GALNTL6: variants seen among roughly 807,000 people sequenced by gnomAD.
The protein encoded by GALNTL6 is polypeptide N-acetylgalactosaminyltransferase-like 6.
In GALNTL6, 46 loss-of-function variants were observed where a neutral mutation model predicts 73.7. The ratio of observed to expected loss-of-function variants is 0.62; its 90% CI spans 0.49 to 0.80. The LOEUF is 0.80. Among genes scored for constraint, GALNTL6 ranks in the 30% least tolerant of loss-of-function variants. The pLI is 0.00. For synonymous variants in GALNTL6, 259 were observed against 263.7 expected (o/e 0.98, Z 0.17); for missense variants, 604 against 755.0 (o/e 0.80, Z 2.34).
chr4:172,294,788 C>T (rs1464355315), intron 3 of GALNTL6, among the ~76,000 whole-genome samples: 1 of 152,098 alleles, frequency 6.6e-6, no homozygotes, highest in East Asian at 1.9e-4. Flanking sequence ...ATTTCTCCTG[C>T]ATTGTCTCAG....
chr4:172,357,594 A>C (rs888940764), intron 5 of GALNTL6, among the ~76,000 whole-genome samples: 9 of 151,126 alleles, frequency 6.0e-5, no homozygotes, highest in African/African-American at 2.2e-4. Flanking sequence ...GTAGATTGGG[A>C]AGACTATATG....
At chr4:172,311,069 G>T (rs1012236202) in intron 3 of GALNTL6, among the ~76,000 whole-genome samples, 1 of 152,044 alleles carries the variant, frequency 6.6e-6, no homozygotes, top group African/African-American at 2.4e-5. Flanking sequence ...AATTTACAGT[G>T]TGTCTCAGGA....
chr4:172,972,474 T>C (rs1405584333), intron 10 of GALNTL6, among the ~76,000 whole-genome samples: 2 of 152,208 alleles, frequency 1.3e-5, no homozygotes, highest in African/African-American at 4.8e-5. Flanking sequence ...AATTAGAAAT[T>C]TCAACATCAG....
rs140972500 is a variant in GALNTL6 at position 172,026,453 on chromosome 4, T to C, written c.139-203203T>C. Among the ~76,000 whole-genome samples the C allele has an allele frequency of 2.0e-3, 298 of 152,270 alleles. 6 individuals carry two copies. In the East Asian group the frequency reaches 0.053, roughly 27 times the overall value. On this transcript the variant is annotated intron_variant, in intron 2 of 12. Coordinates refer to ENST00000506823, the MANE Select transcript of GALNTL6 (RefSeq NM_001034845.3). ...GTTCAAATTATCTGTATCTGCACTATACAATACATAGCCAGTAGCCACATG... is the reference window on the plus strand; with the variant it reads ...GTTCAAATTATCTGTATCTGCACTACACAATACATAGCCAGTAGCCACATG...
intron 3 of GALNTL6, among the ~76,000 whole-genome samples, chr4:172,238,719 A>G (rs1737322774): frequency 6.6e-6 from 1 of 152,006 alleles, no homozygotes; most frequent in African/African-American, 2.4e-5. Flanking sequence ...TCTGTTCTGT[A>G]TGATATTGGT....
chr4:172,115,707 T>A (rs577629947), intron 2 of GALNTL6, among the ~76,000 whole-genome samples: 4 of 152,186 alleles, frequency 2.6e-5, no homozygotes, highest in African/African-American at 7.2e-5. Context: ...CATTTCAAAA[T>A]GGCAGAAAAG....
In GALNTL6 at chr4:171,814,669, T is replaced by C; in HGVS notation, c.89T>C (p.Leu30Pro). 6.2e-7 allele frequency: 1 copy of C among 1,614,172 alleles called. No individual in the cohort carries two copies. Among genetic ancestry groups the C allele is most frequent in the Non-Finnish European group, 8.5e-7 (1 of 1,180,020 alleles). ...CTGCCTAACGTTGGTCTCTGGTCTC[T>C]GTACAAGGATAAGCACCTGGTGAAG... ...IFLPNVGLWS[L>P]YKDKHLVKSA... Residue 30 changes from leucine to proline, a missense_variant, in exon 2 of 13, where the codon CTG becomes CCG. Leu to Pro is a moderately conservative substitution (Grantham distance 98). Around this residue, in one of 5 missense-constraint regions of GALNTL6, gnomAD observed 141 missense variants for 156.6 expected, o/e 0.90. Transcript: ENST00000506823.
chr4:172,662,388 A>G (rs745616259), intron 5 of GALNTL6, among the ~76,000 whole-genome samples: 4 of 152,202 alleles, frequency 2.6e-5, no homozygotes, highest in Non-Finnish European at 5.9e-5. Flanking sequence ...AGTTCTGGCT[A>G]GGTGAATATG....
At chr4:172,025,739 T>G (rs1000992361) in intron 2 of GALNTL6, among the ~76,000 whole-genome samples, 1 of 151,994 alleles carries the variant, frequency 6.6e-6, no homozygotes, top group Non-Finnish European at 1.5e-5. Context: ...TTTGGAACTT[T>G]GATTTATGCA....
At chr4:172,455,350 C>T (rs1163015370) in intron 5 of GALNTL6, among the ~76,000 whole-genome samples, 7 of 152,264 alleles carry the variant, frequency 4.6e-5, no homozygotes, top group South Asian at 2.1e-4. Flanking sequence ...GGAACACCAG[C>T]GAGACAGAAC....
At chr4:172,252,246 A>AT (rs1426189788) in intron 3 of GALNTL6, among the ~76,000 whole-genome samples, 3 of 152,262 alleles carry the variant, frequency 2.0e-5, no homozygotes, top group African/African-American at 7.2e-5. Flanking sequence ...TGCTAGTTAA[A>AT]TTTTTGAGTT....
intron 2 of GALNTL6, among the ~76,000 whole-genome samples, chr4:172,218,564 T>C (rs779005690): frequency 6.6e-6 from 1 of 152,096 alleles, no homozygotes; most frequent in Non-Finnish European, 1.5e-5. Flanking sequence ...GTTGGGACTC[T>C]CTAGATTTTC....
intron 8 of GALNTL6, among the ~76,000 whole-genome samples, chr4:172,912,587 G>A (rs1172401410): frequency 6.6e-6 from 1 of 152,224 alleles, no homozygotes; most frequent in African/African-American, 2.4e-5. Flanking sequence ...TGGCTCACCA[G>A]GTCCCACGCC....
intron 2 of GALNTL6, among the ~76,000 whole-genome samples, chr4:172,173,909 G>A (rs1457426244): frequency 6.6e-6 from 1 of 152,196 alleles, no homozygotes; most frequent in African/African-American, 2.4e-5. Flanking sequence ...CAGGGAGGGG[G>A]TGCAGACTGT....
intron 5 of GALNTL6, among the ~76,000 whole-genome samples, chr4:172,744,947 C>T (rs530359380): frequency 6.6e-6 from 1 of 151,560 alleles, no homozygotes; most frequent in Non-Finnish European, 1.5e-5. Context: ...TTTTCCCTTG[C>T]CATTCAATAT....
At chr4:172,625,258 C>A (rs1739122196) in intron 5 of GALNTL6, among the ~76,000 whole-genome samples, 1 of 151,964 alleles carries the variant, frequency 6.6e-6, no homozygotes, top group African/African-American at 2.4e-5. Context: ...TATGTCCGTA[C>A]ATACCCAATG....
At chr4:172,160,126 A>T (rs1048848069) in intron 2 of GALNTL6, among the ~76,000 whole-genome samples, 5 of 151,984 alleles carry the variant, frequency 3.3e-5, no homozygotes, top group African/African-American at 1.2e-4. Flanking sequence ...GCTGAAAGAT[A>T]CATCAATAGG....
At chr4:172,983,716 A>T (rs79151929) in intron 10 of GALNTL6, among the ~76,000 whole-genome samples, 1 of 152,248 alleles carries the variant, frequency 6.6e-6, no homozygotes, top group African/African-American at 2.4e-5. Flanking sequence ...ATATATATGA[A>T]TAATAATAGT....
chr4:172,136,622 C>T (rs1733644656), intron 2 of GALNTL6, among the ~76,000 whole-genome samples: 1 of 151,700 alleles, frequency 6.6e-6, no homozygotes, highest in South Asian at 2.1e-4. Flanking sequence ...GGTGATATGC[C>T]TATTTAAATT....
Sources: gnomAD v4.1 joint callset for allele counts (sites outside exome capture counted in the v4.1 genomes callset) on GRCh38, gnomAD v4.1.1 for gene constraint, gnomAD v4.1.1 regional missense constraint, MANE v1.5 for transcripts, NCBI Gene and HGNC (gene_info 2026-07-23, HGNC 2026-07-21) for gene names.